ANK3: variants seen among roughly 807,000 people sequenced by gnomAD.
The protein encoded by ANK3 is ankyrin-3.
ANK3 carries 57 observed loss-of-function variants against 370.9 expected under a neutral mutation model. The ratio of observed to expected loss-of-function variants is 0.15; its 90% CI spans 0.12 to 0.19. ANK3 has a LOEUF of 0.19. Ranked by LOEUF, ANK3 falls within the 10% of genes least tolerant of loss-of-function variation. The pLI is 1.00. For synonymous variants in ANK3, 1,929 were observed against 1,946.3 expected (o/e 0.99, Z 0.23); for missense variants, 4,439 against 5,302.1 (o/e 0.84, Z 5.06).
chr10:60,091,029 T>G (rs2088211953), intron 28 of ANK3, among the ~76,000 whole-genome samples: 1 of 152,186 alleles, frequency 6.6e-6, no homozygotes, highest in South Asian at 2.1e-4. Context: ...TTTGGCCTCC[T>G]GAATAGCTGG....
chr10:60,584,984 G>A (rs946628802), intron 2 of ANK3, among the ~76,000 whole-genome samples: 6 of 152,272 alleles, frequency 3.9e-5, no homozygotes, highest in East Asian at 3.9e-4. Flanking sequence ...GTTGGCTTCC[G>A]ATTCCTAAAA....
intron 25 of ANK3, among the ~76,000 whole-genome samples, chr10:60,123,082 G>T (rs937478922): frequency 2.0e-5 from 3 of 152,112 alleles, no homozygotes; most frequent in Admixed American, 2.0e-4. Flanking sequence ...GACAGATGAG[G>T]AAAATGAGGT....
At chr10:60,254,399 A>G in intron 7 of ANK3, among the ~76,000 whole-genome samples, 1 of 152,136 alleles carries the variant, frequency 6.6e-6, no homozygotes, top group East Asian at 1.9e-4. Context: ...TAAAACCATC[A>G]GGAGTTTGCC....
At chr10:60,161,438 T>C (rs1254151723) in intron 23 of ANK3, among the ~76,000 whole-genome samples, 7 of 152,172 alleles carry the variant, frequency 4.6e-5, no homozygotes, top group Non-Finnish European at 1.0e-4. Flanking sequence ...CTGCACACCC[T>C]TGTTTATTGC....
intron 2 of ANK3, among the ~76,000 whole-genome samples, chr10:60,395,644 CT>C (rs2063221575): frequency 9.8e-6 from 1 of 101,628 alleles, no homozygotes; most frequent in African/African-American, 3.5e-5. Context: ...CTCTCTCTCT[CT>C]CTCTCTTTCT....
chr10:60,292,708 T>A (rs1030704707), intron 1 of ANK3, among the ~76,000 whole-genome samples: 1 of 102,350 alleles, frequency 9.8e-6, no homozygotes, highest in Non-Finnish European at 2.0e-5. Flanking sequence ...TCCTAGACTT[T>A]CTTTCTTTTT....
chr10:60,603,311 T>C (rs555922813), intron 2 of ANK3, among the ~76,000 whole-genome samples: 1 of 152,136 alleles, frequency 6.6e-6, no homozygotes, highest in East Asian at 1.9e-4. Flanking sequence ...AGGGCACAAA[T>C]GGTAAAGACA....
At chr10:60,417,541 T>C (rs975896273) in intron 2 of ANK3, among the ~76,000 whole-genome samples, 1 of 152,186 alleles carries the variant, frequency 6.6e-6, no homozygotes, top group Non-Finnish European at 1.5e-5. Context: ...TGTTTGCAGC[T>C]GGTTGCAATT....
chr10:60,655,243 C>A (rs1243714660), intron 1 of ANK3, among the ~76,000 whole-genome samples: 1 of 151,290 alleles, frequency 6.6e-6, no homozygotes. Flanking sequence ...TGTAAAAGAG[C>A]CTCAGGCAGG....
intron 1 of ANK3, among the ~76,000 whole-genome samples, chr10:60,373,164 G>A (rs2060330290): frequency 6.6e-6 from 1 of 152,064 alleles, no homozygotes; most frequent in South Asian, 2.1e-4. Context: ...GACTGGGACA[G>A]GAAAAAATGA....
At chr10:60,643,753 CT>C (rs2078669814) in intron 1 of ANK3, among the ~76,000 whole-genome samples, 1 of 152,030 alleles carries the variant, frequency 6.6e-6, no homozygotes, top group Non-Finnish European at 1.5e-5. Context: ...TGGAACATGA[CT>C]CAAGCAGAGC....
intron 7 of ANK3, among the ~76,000 whole-genome samples, chr10:60,242,913 G>C (rs2097490721): frequency 6.6e-6 from 1 of 152,100 alleles, no homozygotes; most frequent in South Asian, 2.1e-4. Flanking sequence ...CCTTGCCAAA[G>C]GTCACAAAGC....
chr10:60,360,048 A>G (rs1190785449), intron 1 of ANK3, among the ~76,000 whole-genome samples: 2 of 152,218 alleles, frequency 1.3e-5, no homozygotes, highest in Non-Finnish European at 2.9e-5. Context: ...TTCCTAAAAG[A>G]TATCTAAAAT....
At chr10:60,632,048 G>A (rs1430662102) in intron 1 of ANK3, among the ~76,000 whole-genome samples, 1 of 152,164 alleles carries the variant, frequency 6.6e-6, no homozygotes, top group Non-Finnish European at 1.5e-5. Context: ...AGTTGGTGGG[G>A]AGGGCTCAGC....
chr10:60,050,839 A>T (rs1217193271), intron 42 of ANK3: 3 of 150,958 alleles, frequency 2.0e-5, no homozygotes, highest in African/African-American at 7.3e-5. Flanking sequence ...TTTTAAATTG[A>T]CTCCTATACT....
chr10:60,686,806 A>T (rs759960854), intron 1 of ANK3, among the ~76,000 whole-genome samples: 5 of 152,208 alleles, frequency 3.3e-5, no homozygotes, highest in Non-Finnish European at 7.3e-5. Context: ...GCATAAACTT[A>T]GTATTCGATA....
intron 2 of ANK3, among the ~76,000 whole-genome samples, chr10:60,592,751 A>C (rs924569548): frequency 6.6e-6 from 1 of 152,204 alleles, no homozygotes; most frequent in Non-Finnish European, 1.5e-5. Context: ...CGACAGAGTG[A>C]GACTCCGTTT....
Position 60,075,333 on chromosome 10 carries a change from C to T in ANK3, c.5548G>A (p.Ala1850Thr), listed in dbSNP as rs781265341. The T allele has an allele frequency of 2.5e-6, 4 of 1,614,028 alleles. No homozygotes were observed. Among genetic ancestry groups the T allele is most frequent in the Non-Finnish European group, 3.4e-6 (4 of 1,180,018 alleles). Residue 1850 changes from alanine to threonine, a missense_variant, in exon 37 of 44, where the codon GCA (alanine) becomes ACA (threonine). Physicochemically the swap from Ala to Thr is moderately conservative, Grantham distance 58. This residue lies in a region of ANK3 where 679 missense variants were observed against 791.0 expected (regional missense o/e 0.86). Transcript: ENST00000280772. ...PDSNSFTKSA[A>T]ALLSPIKTLT... is the part of the protein sequence containing the mutation. ...GTTTTAATGGGTGACAGCAAGGCTG[C>T]TGCTGATTTTGTAAATGAATTAGAG... is the stretch of plus-strand genomic sequence containing the variant.
In ANK3 at chr10:60,166,304, T is replaced by C. The variant is rs113046231; in HGVS notation, c.2614+287A>G. Among the ~76,000 whole-genome samples the C allele has an allele frequency of 9.8e-3, 1,492 of 152,202 alleles. 20 individuals carry two copies. The highest frequency in any genetic ancestry group is 0.033 in the African/African-American group (1,389 of 41,546). On this transcript the variant is annotated intron_variant, in intron 23 of 43. Transcript: ENST00000280772. ...ATTTCAGATGCAAACAATAAAAGCA[T>C]CAGTATTCTGTTCGATAGAAACAAA...
Sources: gnomAD v4.1 joint callset for allele counts (sites outside exome capture counted in the v4.1 genomes callset) on GRCh38, gnomAD v4.1.1 for gene constraint, gnomAD v4.1.1 regional missense constraint, MANE v1.5 for transcripts, NCBI Gene and HGNC (gene_info 2026-07-23, HGNC 2026-07-21) for gene names.